CEP250: variants seen among roughly 807,000 people sequenced by gnomAD.
CEP250 encodes centrosomal protein 250, also known as centrosome-associated protein CEP250.
A neutral mutation model predicts 315.7 loss-of-function variants in CEP250; 242 were observed. That is an observed-to-expected ratio of 0.77 (90% CI 0.69 to 0.85). CEP250 has a LOEUF of 0.85. Ranked by LOEUF, CEP250 falls within the 40% of genes least tolerant of loss-of-function variation. The pLI is 0.00. For missense variants in CEP250, 2,515 were observed against 2,886.4 expected, an observed-to-expected ratio of 0.87 and a Z score of 2.95; for synonymous variants, 1,088 against 1,175.0, an observed-to-expected ratio of 0.93 and a Z score of 1.51.
At chr20:35,468,874 A>G (rs1296364522) in intron 9 of CEP250, among the ~76,000 whole-genome samples, 1 of 151,822 alleles carries the variant, frequency 6.6e-6, no homozygotes, top group East Asian at 2.0e-4. Context: ...ACGGGGTCTC[A>G]CTATGTTTCC....
chr20:35,474,073 C>A, intron 14 of CEP250, 21 bp downstream of exon 14: 2 of 1,493,324 alleles, frequency 1.3e-6, no homozygotes, highest in Non-Finnish European at 1.8e-6. Flanking sequence ...CTAGTCTCCT[C>A]CTCGCTGGGC....
Position 35,504,624 on chromosome 20 carries a change from AGAG to A in CEP250, c.6262_6264del (p.Glu2088del), listed in dbSNP as rs765953260. The A allele has an allele frequency of 1.9e-6, 3 of 1,614,106 alleles. No homozygotes were observed. Among genetic ancestry groups the A allele is most frequent in the South Asian group, 2.2e-5 (2 of 91,086 alleles). ...AGCAGAATCTGGGGCAAGAGAGAGAAGAGGAGGAGATAAGGGGCCTTCATCAGA... is the reference window on the plus strand; with the variant it reads ...AGCAGAATCTGGGGCAAGAGAGAGAAGAGGAGATAAGGGGCCTTCATCAGA... On this transcript the variant is annotated inframe_deletion, in exon 30 of 35. Coordinates refer to ENST00000397527, the MANE Select transcript of CEP250 (RefSeq NM_007186.6).
intron 16 of CEP250, 178 bp downstream of exon 16, chr20:35,476,773 C>T (rs561425482): frequency 8.1e-5 from 44 of 540,536 alleles, no homozygotes; most frequent in African/African-American, 7.7e-4. Flanking sequence ...ACACCTCCAG[C>T]AGAACCACCT....
At position 35,504,980 on chromosome 20, in the gene CEP250, G is replaced by T; in HGVS notation, c.6611G>T (p.Arg2204Leu). ...TTCCTACAAGCCTCTGTCCTGGAGC[G>T]GGACTCAGAACAGCAAAGGCTGCAG... ...AMFLQASVLERDSEQQRLQDE... is the reference protein window; with the variant it reads ...AMFLQASVLELDSEQQRLQDE... Residue 2204 changes from arginine to leucine, a missense_variant, in exon 30 of 35, where the codon CGG becomes CTG. Coordinates refer to ENST00000397527, the MANE Select transcript of CEP250 (RefSeq NM_007186.6). 6.2e-7 allele frequency: 1 copy of T among 1,610,452 alleles called. No homozygotes were observed. Among genetic ancestry groups the T allele is most frequent in the South Asian group, 1.1e-5 (1 of 90,864 alleles).
intron 9 of CEP250, among the ~76,000 whole-genome samples, chr20:35,469,440 A>T (rs2062969985): frequency 6.6e-6 from 1 of 152,238 alleles, no homozygotes; most frequent in Non-Finnish European, 1.5e-5. Flanking sequence ...TGAGATTAAT[A>T]TCAAGAAGGT....
rs980286406 is a variant in CEP250, at chr20:35,501,210, A to T, written c.3899-635A>T. On this transcript the variant is annotated intron_variant, in intron 28 of 34. Coordinates refer to ENST00000397527, the MANE Select transcript of CEP250 (RefSeq NM_007186.6). ...GAGTTAGCCGGGTGTGGTGGTGGGC[A>T]CCTGTAATCCCAACTACTCGGGAGG... Among the ~76,000 whole-genome samples the T allele has an allele frequency of 4.6e-5, 7 of 152,212 alleles. No homozygotes were observed. In the East Asian group the frequency reaches 1.4e-3, roughly 29 times the overall value.
chr20:35,462,308 G>T lies in CEP250; in HGVS notation c.-60G>T. 1 of 1,405,042 alleles carries T rather than the reference G, an allele frequency of 7.1e-7. No individual in the cohort carries two copies. Among genetic ancestry groups the T allele is most frequent in the Non-Finnish European group, 9.7e-7 (1 of 1,027,856 alleles). The allele number at this position is 1,405,042 out of a possible 1,614,324, so 87.0% of individuals were successfully genotyped here. On this transcript the variant is annotated 5_prime_UTR_variant, in exon 4 of 35. Coordinates refer to ENST00000397527, the MANE Select transcript of CEP250 (RefSeq NM_007186.6). ...TGGCATGGCAATGGTTAGAGACCCT[G>T]CTGGGCGTGAACACCCTCTGGCTAC...
In CEP250 at chr20:35,462,631, G is replaced by A; in HGVS notation, c.186+78G>A. 3.1e-6 allele frequency: 4 copies of A among 1,301,444 alleles called. 1 individual carries two copies. In the South Asian group the frequency reaches 5.7e-5, roughly 19 times the overall value. The allele number at this position is 1,301,444 out of a possible 1,614,324, so 80.6% of individuals were successfully genotyped here. A position where few individuals can be genotyped will look rare whatever the true frequency, so the allele number is the denominator to read the frequency against. On this transcript the variant is annotated intron_variant, in intron 4 of 34. Coordinates refer to ENST00000397527, the MANE Select transcript of CEP250 (RefSeq NM_007186.6). The stretch of plus-strand genomic sequence containing the variant: ...GTGCTGAGGTGAGATAAGGGTTGCA[G>A]GAGGCAGAGTCTTGTGGTGGGAGTG...
At chr20:35,511,136 C>T (rs903213285) in intron 34 of CEP250, among the ~76,000 whole-genome samples, 8 of 152,122 alleles carry the variant, frequency 5.3e-5, no homozygotes, top group South Asian at 2.1e-4. Flanking sequence ...TTTTCAAGCG[C>T]GCTATTTGAG....
rs189141343 is a variant in CEP250 at position 35,465,407 on chromosome 20, G to A, written c.244-336G>A. Among the ~76,000 whole-genome samples the A allele has an allele frequency of 5.2e-3, 736 of 141,518 alleles. 1 individual carries two copies. Among genetic ancestry groups the A allele is most frequent in the African/African-American group, 0.019 (705 of 37,330 alleles). The allele number at this position is 141,518 out of a possible 152,430, so 92.8% of individuals were successfully genotyped here. A position where few individuals can be genotyped will look rare whatever the true frequency, so the allele number is the denominator to read the frequency against. On this transcript the variant is annotated intron_variant, in intron 5 of 34. Coordinates refer to ENST00000397527, the MANE Select transcript of CEP250 (RefSeq NM_007186.6). The stretch of plus-strand genomic sequence containing the variant: ...TGCACTCCAGCCTGGGCGACAGAGC[G>A]AGACTCTGTCTCCAAAAAAAAAAAA...
At chr20:35,467,692 T>C (rs1032244050) in intron 9 of CEP250, 137 bp downstream of exon 9, 2 of 1,003,616 alleles carry the variant, frequency 2.0e-6, no homozygotes, top group Admixed American at 5.4e-5. Flanking sequence ...GAAATCTACT[T>C]TGAAACCTGA....
chr20:35,493,622 A>C (rs1194134431), intron 23 of CEP250, 50 bp downstream of exon 23: 5 of 1,457,018 alleles, frequency 3.4e-6, no homozygotes, highest in Non-Finnish European at 4.5e-6. Flanking sequence ...CAACACAGCC[A>C]GGCTTTCCCA....
At chr20:35,465,718 T>A in intron 5 of CEP250, 25 bp from the exon 6 acceptor site, 1 of 1,549,458 alleles carries the variant, frequency 6.5e-7, no homozygotes, top group East Asian at 2.3e-5. Flanking sequence ...TGGAGGTAAG[T>A]AAGGCTTGTC....
chr20:35,480,436 G>A (rs562676895), intron 20 of CEP250, among the ~76,000 whole-genome samples: 4 of 152,096 alleles, frequency 2.6e-5, no homozygotes, highest in Non-Finnish European at 5.9e-5. Context: ...GGATGAAAAC[G>A]GGGGAGAGGA....
chr20:35,500,020 C>CA (rs1297809434), intron 27 of CEP250, 29 bp from the exon 28 acceptor site: 3 of 1,613,502 alleles, frequency 1.9e-6, no homozygotes, highest in Non-Finnish European at 2.5e-6. Context: ...ATGAGGAACT[C>CA]ACGTTTAGCC....
intron 10 of CEP250, among the ~76,000 whole-genome samples, chr20:35,471,543 G>A (rs1405828827): frequency 6.6e-6 from 1 of 152,150 alleles, no homozygotes; most frequent in East Asian, 1.9e-4. Flanking sequence ...AGGAAGAGAG[G>A]AACTCTTGAG....
chr20:35,467,288 C>T lies in CEP250; in HGVS notation c.600-16C>T. On this transcript the variant is annotated splice_polypyrimidine_tract_variant and intron_variant, in intron 8 of 34. Coordinates refer to ENST00000397527, the MANE Select transcript of CEP250 (RefSeq NM_007186.6). ...GGTTCCTAGTGGAGTCTGCTGTTTT[C>T]CTTGCTTGTACTCAGAGATCTGATG... is the stretch of plus-strand genomic sequence containing the variant. The T allele has an allele frequency of 1.9e-6, 3 of 1,606,528 alleles. No homozygotes were observed. Among genetic ancestry groups the T allele is most frequent in the Non-Finnish European group, 2.6e-6 (3 of 1,174,502 alleles).
chr20:35,482,002 A>T (rs1372695491), intron 20 of CEP250, among the ~76,000 whole-genome samples: 3 of 151,718 alleles, frequency 2.0e-5, no homozygotes, highest in Non-Finnish European at 2.9e-5. Context: ...TGTCCAGCCT[A>T]CTTTTATTCT....
chr20:35,516,910 C>T lies in CEP250; in HGVS notation c.*5284C>T, dbSNP rs976641383. The T allele has an allele frequency of 3.3e-5, 29 of 879,992 alleles. No homozygotes were observed. In the African/African-American group the frequency reaches 4.0e-4, roughly 12 times the overall value. The allele number at this position is 879,992 out of a possible 1,614,324, so 54.5% of individuals were successfully genotyped here. ...CATTCAGGTTAGACCTCTGAGCAGA[C>T]GGCAGAAACGTCAGCCACAGGTGAG... On this transcript the variant is annotated 3_prime_UTR_variant, in exon 35 of 35. Coordinates refer to ENST00000397527, the MANE Select transcript of CEP250 (RefSeq NM_007186.6).
Sources: gnomAD v4.1 joint callset for allele counts (sites outside exome capture counted in the v4.1 genomes callset) on GRCh38, gnomAD v4.1.1 for gene constraint, MANE v1.5 for transcripts, NCBI Gene and HGNC (gene_info 2026-07-23, HGNC 2026-07-21) for gene names.